The following XIRP2 variants were observed in gnomAD, a reference collection of about 807,000 sequenced individuals.
XIRP2 encodes xin actin-binding repeat-containing protein 2.
A neutral mutation model predicts 277.0 loss-of-function variants in XIRP2; 236 were observed. The ratio of observed to expected loss-of-function variants is 0.85; its 90% CI spans 0.77 to 0.95. XIRP2 has a LOEUF of 0.95. Ranked by LOEUF, XIRP2 falls within the 40% of genes least tolerant of loss-of-function variation. The probability of loss-of-function intolerance (pLI) is 0.00; values close to 1 mark genes in which losing one functional copy is unlikely to be tolerated. For missense variants in XIRP2, 4,640 were observed against 4,157.5 expected, an observed-to-expected ratio of 1.12 and a Z score of -3.19; for synonymous variants, 1,490 against 1,416.5, an observed-to-expected ratio of 1.05 and a Z score of -1.17.
chr2:167,175,938 A>T (rs1256927780), intron 3 of XIRP2, among the ~76,000 whole-genome samples: 1 of 152,118 alleles, frequency 6.6e-6, no homozygotes, highest in Non-Finnish European at 1.5e-5. Context: ...CCACCTACTC[A>T]AGCCTCAGTA....
chr2:167,094,099 G>T (rs1225753229), intron 2 of XIRP2, among the ~76,000 whole-genome samples: 3 of 152,050 alleles, frequency 2.0e-5, no homozygotes, highest in Non-Finnish European at 2.9e-5. Context: ...ATATGTGTTG[G>T]CCACATAAAT....
At chr2:166,973,509 G>A (rs1171237281) in intron 2 of XIRP2, among the ~76,000 whole-genome samples, 2 of 152,134 alleles carry the variant, frequency 1.3e-5, no homozygotes, top group African/African-American at 4.8e-5. Flanking sequence ...AAGCTGCACA[G>A]CTACAGAGTC....
At chr2:167,044,898 C>G (rs1467194153) in intron 2 of XIRP2, among the ~76,000 whole-genome samples, 1 of 151,640 alleles carries the variant, frequency 6.6e-6, no homozygotes, top group African/African-American at 2.4e-5. Flanking sequence ...TTAGAAAAGC[C>G]TCTTACAAAA....
chr2:166,956,754 G>T (rs891857424), intron 2 of XIRP2, among the ~76,000 whole-genome samples: 1 of 151,712 alleles, frequency 6.6e-6, no homozygotes, highest in South Asian at 2.1e-4. Context: ...AAGGGGAAAG[G>T]CAAAGGGCAG....
chr2:166,975,560 A>G (rs1686688447), intron 2 of XIRP2, among the ~76,000 whole-genome samples: 1 of 152,176 alleles, frequency 6.6e-6, no homozygotes, highest in Non-Finnish European at 1.5e-5. Context: ...TAAGGGGTCA[A>G]CAGTGGATTT....
Position 167,245,674 on chromosome 2 carries a change from G to C in XIRP2, c.4282G>C (p.Glu1428Gln). ...GACAAGTAGACAATTCTTTGAGTCT[G>C]AAAATTTTGATAAGAATAACTATAT... The part of the protein sequence containing the change: ...VKTSRQFFES[E>Q]NFDKNNYIRT... Residue 1428 changes from glutamate to glutamine, a missense_variant, in exon 9 of 11, where the codon GAA becomes CAA. Coordinates refer to ENST00000409195, the MANE Select transcript of XIRP2 (RefSeq NM_152381.6). The C allele has an allele frequency of 6.2e-7, 1 of 1,613,508 alleles. No individual in the cohort carries two copies. The highest frequency in any genetic ancestry group is 1.1e-5 in the South Asian group (1 of 91,040).
chr2:167,102,366 C>G (rs1010035246), intron 2 of XIRP2, among the ~76,000 whole-genome samples: 5 of 152,174 alleles, frequency 3.3e-5, no homozygotes, highest in Non-Finnish European at 7.4e-5. Flanking sequence ...ATCTTTATAT[C>G]TCTTAACATG....
intron 2 of XIRP2, among the ~76,000 whole-genome samples, chr2:166,907,412 A>G (rs1444777405): frequency 6.6e-6 from 1 of 152,148 alleles, no homozygotes; most frequent in Admixed American, 6.6e-5. Flanking sequence ...TTAGAACATT[A>G]GTGGCTTTAC....
intron 1 of XIRP2, among the ~76,000 whole-genome samples, chr2:166,901,834 C>T (rs2105334945): frequency 6.6e-6 from 1 of 152,136 alleles, no homozygotes; most frequent in East Asian, 1.9e-4. Context: ...ATTATTAAGG[C>T]CAAATTTTCC....
At chr2:166,960,100 C>T (rs1185619452) in intron 2 of XIRP2, among the ~76,000 whole-genome samples, 2 of 151,774 alleles carry the variant, frequency 1.3e-5, no homozygotes, top group Non-Finnish European at 2.9e-5. Flanking sequence ...TAACAATAAA[C>T]TCCATTTTGT....
chr2:167,078,629 G>T (rs1386433640), intron 2 of XIRP2, among the ~76,000 whole-genome samples: 1 of 152,022 alleles, frequency 6.6e-6, no homozygotes, highest in African/African-American at 2.4e-5. Context: ...GAGGTCAGGA[G>T]ATCAAGACCA....
intron 2 of XIRP2, among the ~76,000 whole-genome samples, chr2:166,995,329 C>T (rs779060747): frequency 1.1e-4 from 16 of 152,202 alleles, no homozygotes; most frequent in East Asian, 3.9e-4. Flanking sequence ...AAGGCAAAAA[C>T]GTTAGTGACC....
chr2:167,066,633 A>C (rs928246584), intron 2 of XIRP2, among the ~76,000 whole-genome samples: 3 of 152,066 alleles, frequency 2.0e-5, no homozygotes, highest in Non-Finnish European at 4.4e-5. Context: ...CATATCCAAA[A>C]TTATTGAAAT....
chr2:166,905,517 G>A (rs915326835), intron 2 of XIRP2, among the ~76,000 whole-genome samples: 1 of 151,810 alleles, frequency 6.6e-6, no homozygotes, highest in Admixed American at 6.6e-5. Context: ...ATTATGAAAA[G>A]AACCAGATAT....
At chr2:167,222,165 G>A (rs1694453291) in intron 5 of XIRP2, among the ~76,000 whole-genome samples, 2 of 152,098 alleles carry the variant, frequency 1.3e-5, no homozygotes. Context: ...AGAAAAAAGG[G>A]GTGCACAATA....
At chr2:166,927,392 T>C (rs1195023594) in intron 2 of XIRP2, among the ~76,000 whole-genome samples, 1 of 152,088 alleles carries the variant, frequency 6.6e-6, no homozygotes, top group Non-Finnish European at 1.5e-5. Flanking sequence ...CTCACTGAAA[T>C]AAAATCAAAG....
intron 2 of XIRP2, among the ~76,000 whole-genome samples, chr2:166,941,246 T>C (rs190544271): frequency 6.0e-4 from 92 of 152,312 alleles, no homozygotes; most frequent in Admixed American, 2.4e-3. Context: ...GTCCAAGCCA[T>C]GCATGGGATA....
chr2:167,242,388 G>C (rs1271806549), intron 8 of XIRP2, among the ~76,000 whole-genome samples, 181 bp from the exon 9 acceptor site: 1 of 152,142 alleles, frequency 6.6e-6, no homozygotes, highest in Admixed American at 6.5e-5. Context: ...TGGATTATAG[G>C]AGAGATAGTG....
At chr2:167,184,554 C>T (rs796836203) in intron 3 of XIRP2, 25 of 717,096 alleles carry the variant, frequency 3.5e-5, no homozygotes, top group East Asian at 1.9e-4. Context: ...GTGTTCTCCA[C>T]GGACCAAGCC....
Sources: allele counts gnomAD v4.1 joint callset (sites outside exome capture counted in the v4.1 genomes callset), GRCh38; gene constraint gnomAD v4.1.1; transcripts MANE v1.5; gene names NCBI Gene and HGNC (gene_info 2026-07-23, HGNC 2026-07-21).